PAX5: variants seen among roughly 807,000 people sequenced by gnomAD.
PAX5 encodes paired box protein Pax-5.
Under a neutral mutation model 43.7 loss-of-function variants are expected in PAX5, and 9 were observed. That is an observed-to-expected ratio of 0.21 (90% CI 0.12 to 0.36). The LOEUF is 0.36. Ranked by LOEUF, PAX5 falls within the 10% of genes least tolerant of loss-of-function variation. The pLI, the probability that PAX5 is intolerant of heterozygous loss-of-function variation, is 1.00. For synonymous variants in PAX5, 228 were observed against 214.3 expected, an observed-to-expected ratio of 1.06 and a Z score of -0.56; for missense variants, 383 against 532.7, an observed-to-expected ratio of 0.72 and a Z score of 2.77.
At chr9:36,977,831 T>C (rs1421640937) in intron 5 of PAX5, among the ~76,000 whole-genome samples, 1 of 152,132 alleles carries the variant, frequency 6.6e-6, no homozygotes, top group Non-Finnish European at 1.5e-5. Flanking sequence ...GCCAAAGAAA[T>C]GCCCAGGGAA....
chr9:36,939,408 C>T (rs549293912), intron 6 of PAX5, among the ~76,000 whole-genome samples: 31 of 152,290 alleles, frequency 2.0e-4, no homozygotes, highest in Non-Finnish European at 2.9e-4. Context: ...TGGGTAGGCC[C>T]TGCTGAGACC....
intron 6 of PAX5, among the ~76,000 whole-genome samples, chr9:36,948,382 T>A (rs1832727572): frequency 6.6e-6 from 1 of 152,022 alleles, no homozygotes; most frequent in Non-Finnish European, 1.5e-5. Flanking sequence ...AGTATCACAG[T>A]CTGGGTTTAA....
intron 8 of PAX5, among the ~76,000 whole-genome samples, chr9:36,850,779 G>A (rs1823085359): frequency 6.6e-6 from 1 of 152,174 alleles, no homozygotes; most frequent in Admixed American, 6.5e-5. Flanking sequence ...GTGGTTCCTG[G>A]CGCTCTCTGG....
chr9:36,852,310 G>C (rs1049632587), intron 8 of PAX5, among the ~76,000 whole-genome samples: 2 of 152,182 alleles, frequency 1.3e-5, no homozygotes, highest in African/African-American at 4.8e-5. Flanking sequence ...CTGTGGAAGT[G>C]ACAGAACCGG....
At chr9:36,924,775 G>GGAAAGAAA (rs1563973468) in intron 6 of PAX5, among the ~76,000 whole-genome samples, 20 of 98,810 alleles carry the variant, frequency 2.0e-4, no homozygotes, top group East Asian at 7.4e-4. Context: ...AAGGAAGGAA[G>GGAAAGAAA]GAAGGAAAAG....
At chr9:37,032,742 G>T (rs1588290544) in intron 1 of PAX5, among the ~76,000 whole-genome samples, 1 of 152,220 alleles carries the variant, frequency 6.6e-6, no homozygotes, top group Admixed American at 6.5e-5. Context: ...GTGGCCTAGT[G>T]AGTGAAAGAG....
At chr9:36,887,263 G>C (rs1257769033) in intron 7 of PAX5, among the ~76,000 whole-genome samples, 1 of 152,072 alleles carries the variant, frequency 6.6e-6, no homozygotes, top group Non-Finnish European at 1.5e-5. Context: ...AAAACCAATG[G>C]AATAGAATGA....
intron 8 of PAX5, among the ~76,000 whole-genome samples, chr9:36,855,162 G>A (rs1490096274): frequency 9.2e-5 from 14 of 152,250 alleles, no homozygotes; most frequent in Admixed American, 4.6e-4. Context: ...GCACAGGTCC[G>A]ACTCCACCAG....
At chr9:36,914,609 T>G (rs1829580894) in intron 7 of PAX5, among the ~76,000 whole-genome samples, 1 of 152,258 alleles carries the variant, frequency 6.6e-6, no homozygotes, top group Admixed American at 6.5e-5. Context: ...TGATTTTATT[T>G]GAAATTAGTT....
chr9:37,032,593 T>C (rs1841090431), intron 1 of PAX5, among the ~76,000 whole-genome samples: 1 of 152,212 alleles, frequency 6.6e-6, no homozygotes. Flanking sequence ...TGTCCTGGGC[T>C]TGGGGTCTAA....
At chr9:36,947,872 T>C (rs1313344481) in intron 6 of PAX5, among the ~76,000 whole-genome samples, 1 of 151,796 alleles carries the variant, frequency 6.6e-6, no homozygotes, top group Non-Finnish European at 1.5e-5. Flanking sequence ...TCTTTCCACT[T>C]CCCTACCTGG....
intron 8 of PAX5, among the ~76,000 whole-genome samples, chr9:36,876,518 C>G (rs1825925651): frequency 6.6e-6 from 1 of 152,172 alleles, no homozygotes; most frequent in Non-Finnish European, 1.5e-5. Context: ...CAGAATTTGT[C>G]AGAATTTCAA....
chr9:37,030,234 G>T (rs1840847329), intron 1 of PAX5, among the ~76,000 whole-genome samples: 1 of 152,206 alleles, frequency 6.6e-6, no homozygotes, highest in Non-Finnish European at 1.5e-5. Flanking sequence ...TTTCCCTCTG[G>T]ATAGGGGTGA....
intron 5 of PAX5, among the ~76,000 whole-genome samples, chr9:36,987,539 T>C (rs1465042682): frequency 1.3e-5 from 2 of 152,200 alleles, no homozygotes; most frequent in African/African-American, 4.8e-5. Flanking sequence ...AGGCCCAGCA[T>C]GGGTTGCCCA....
Position 36,956,676 on chromosome 9 carries a change from T to C in PAX5, c.780+9873A>G, listed in dbSNP as rs112217786. On this transcript the variant is annotated intron_variant, in intron 6 of 9. Coordinates refer to ENST00000358127, the MANE Select transcript of PAX5 (RefSeq NM_016734.3). ...CAGGAAGACAAAGACTACTCAACTG[T>C]TTAGAAAATATTTCAAAAGCTACTT... Among the ~76,000 whole-genome samples, 1,213 of 152,298 alleles carry C rather than the reference T, an allele frequency of 8.0e-3. 14 individuals are homozygous for C. The highest frequency in any genetic ancestry group is 0.029 in the African/African-American group (1,189 of 41,552).
chr9:37,016,833 G>A (rs1288410974), intron 2 of PAX5, among the ~76,000 whole-genome samples: 1 of 152,224 alleles, frequency 6.6e-6, no homozygotes, highest in Non-Finnish European at 1.5e-5. Flanking sequence ...GAAATTCTCA[G>A]CCTGGGTATG....
intron 7 of PAX5, among the ~76,000 whole-genome samples, chr9:36,889,998 T>C (rs1336466575): frequency 6.6e-6 from 1 of 151,204 alleles, no homozygotes; most frequent in Non-Finnish European, 1.5e-5. Context: ...AATGAACTTA[T>C]CTCATTTTGC....
intron 5 of PAX5, among the ~76,000 whole-genome samples, chr9:36,985,008 T>C (rs1200518551): frequency 6.6e-6 from 1 of 152,190 alleles, no homozygotes; most frequent in Non-Finnish European, 1.5e-5. Flanking sequence ...TCCCCCACTT[T>C]ATAGATAAGG....
intron 7 of PAX5, among the ~76,000 whole-genome samples, chr9:36,920,002 T>C (rs570133305): frequency 4.6e-5 from 7 of 152,160 alleles, no homozygotes; most frequent in Admixed American, 2.6e-4. Flanking sequence ...ATTGCAGATA[T>C]GGTGGAAATA....
Sources: allele counts gnomAD v4.1 joint callset (sites outside exome capture counted in the v4.1 genomes callset), GRCh38; gene constraint gnomAD v4.1.1; transcripts MANE v1.5; gene names NCBI Gene and HGNC (gene_info 2026-07-23, HGNC 2026-07-21).